CDCA2: variants seen among roughly 807,000 people sequenced by gnomAD.
The protein encoded by CDCA2 is cell division cycle-associated protein 2.
In CDCA2, 44 loss-of-function variants were observed where a neutral mutation model predicts 67.0. That is an observed-to-expected ratio of 0.66 (90% CI 0.52 to 0.84). The LOEUF is 0.84. Among genes scored for constraint, CDCA2 ranks in the 40% least tolerant of loss-of-function variants. The pLI is 0.00. For synonymous variants in CDCA2, 447 were observed against 418.7 expected, an observed-to-expected ratio of 1.07 and a Z score of -0.82; for missense variants, 1,253 against 1,203.2, an observed-to-expected ratio of 1.04 and a Z score of -0.61.
rs764574944 is a variant in CDCA2, at chr8:25,466,302, A to G, written c.515A>G (p.Lys172Arg). The G allele has an allele frequency of 3.1e-6, 5 of 1,606,594 alleles. No homozygotes were observed. The highest frequency in any genetic ancestry group is 8.5e-7 in the Non-Finnish European group (1 of 1,178,178). The part of the protein sequence containing the change: ...TGCLEFSEAG[K>R]ESEMTDLTRK... ...TGTCTGGAATTCTCAGAGGCAGGAA[A>G]AGAGTCCGAGATGACAGACTTGAGT... Residue 172 changes from lysine (K) to arginine (R), a missense_variant, in exon 5 of 15, where the codon AAA becomes AGA. Coordinates refer to ENST00000330560, the MANE Select transcript of CDCA2 (RefSeq NM_152562.4).
chr8:25,468,341 A>G lies in CDCA2; in HGVS notation c.663A>G (p.Val221=), dbSNP rs1563262133. 2 of 1,613,896 alleles carry G rather than the reference A, an allele frequency of 1.2e-6. No homozygotes were observed. Among genetic ancestry groups the G allele is most frequent in the Non-Finnish European group, 8.5e-7 (1 of 1,179,892 alleles). Residue 221 remains valine, a synonymous_variant, in exon 6 of 15, where the codon GTA becomes GTG. Coordinates refer to ENST00000330560, the MANE Select transcript of CDCA2 (RefSeq NM_152562.4). The stretch of plus-strand genomic sequence containing the variant: ...ATCTGACGGATGCTGAAGGAAAAGT[A>G]ATTGGTCTCCAGATATTCAATATTG... ...DENLTDAEGK[V]IGLQIFNIDT...
chr8:25,494,987 G>A (rs193062328), intron 13 of CDCA2, among the ~76,000 whole-genome samples: 19 of 152,308 alleles, frequency 1.2e-4, no homozygotes, highest in African/African-American at 3.8e-4. Flanking sequence ...ATCTTGCACT[G>A]CTAGCCTCCA....
At chr8:25,467,166 C>T (rs55866338) in intron 5 of CDCA2, among the ~76,000 whole-genome samples, 48,437 of 144,300 alleles carry the variant, frequency 0.34, 8,472 homozygotes, top group Middle Eastern at 0.45. Flanking sequence ...TTTTTTTTTT[C>T]CCCCCCAATC....
At position 25,466,173 on chromosome 8, in the gene CDCA2, A is replaced by C. The variant is rs377293458; in HGVS notation, c.388-2A>C. 1 of 1,590,082 alleles carries C rather than the reference A, an allele frequency of 6.3e-7. No individual in the cohort carries two copies. Among genetic ancestry groups the C allele is most frequent in the Non-Finnish European group, 8.5e-7 (1 of 1,173,852 alleles). Reference sequence around the variant, plus strand: ...CTCCTTGTATATTTTGCACTTTCACAGGGCAGCCCTGCACTGTATCGAAAT... The same window carrying C: ...CTCCTTGTATATTTTGCACTTTCACCGGGCAGCCCTGCACTGTATCGAAAT... On this transcript the variant is annotated splice_acceptor_variant, in intron 4 of 14. Coordinates refer to ENST00000330560, the MANE Select transcript of CDCA2 (RefSeq NM_152562.4). LOFTEE classifies it high-confidence loss of function.
chr8:25,460,278 G>A lies in CDCA2; in HGVS notation c.39G>A (p.Lys13=). 1 of 1,614,114 alleles carries A rather than the reference G, an allele frequency of 6.2e-7. No homozygotes were observed. The change falls in exon 2 of 15, where the codon AAG becomes AAA. Residue 13 remains lysine, a synonymous_variant. Coordinates refer to ENST00000330560, the MANE Select transcript of CDCA2 (RefSeq NM_152562.4). ...CAAAAGACAAGCCCCCTGAAACCAA[G>A]GAGTCTGCAATGAATAATGCTGGTA... is the stretch of plus-strand genomic sequence containing the variant. ...ANSKDKPPET[K]ESAMNNAGNA...
At chr8:25,468,023 C>T (rs1802984341) in intron 5 of CDCA2, among the ~76,000 whole-genome samples, 194 bp from the exon 6 acceptor site, 1 of 140,702 alleles carries the variant, frequency 7.1e-6, no homozygotes, top group African/African-American at 2.6e-5. Flanking sequence ...GAGGCTGAGG[C>T]AGGAGTATCA....
In CDCA2 at chr8:25,506,868, G is replaced by T. The variant is rs767202755; in HGVS notation, c.2202G>T (p.Gln734His). ...SDSPKPALTLQQGQEFSAGGQ... is the reference protein window; with the variant it reads ...SDSPKPALTLHQGQEFSAGGQ... Reference sequence around the variant, plus strand: ...GTCCCAAACCTGCTCTGACCCTGCAGCAGGGTCAAGAATTTTCTGCTGGTG... The same window carrying T: ...GTCCCAAACCTGCTCTGACCCTGCATCAGGGTCAAGAATTTTCTGCTGGTG... Residue 734 changes from glutamine to histidine, a missense_variant, in exon 15 of 15, where the codon CAG (glutamine) becomes CAT (histidine). Gln to His is a conservative substitution (Grantham distance 24). Coordinates refer to ENST00000330560, the MANE Select transcript of CDCA2 (RefSeq NM_152562.4). 1.2e-6 allele frequency: 2 copies of T among 1,612,812 alleles called. No individual in the cohort carries two copies. Among genetic ancestry groups the T allele is most frequent in the African/African-American group, 1.3e-5 (1 of 74,806 alleles).
chr8:25,462,424 C>T (rs1286441180), intron 4 of CDCA2, among the ~76,000 whole-genome samples: 4 of 152,066 alleles, frequency 2.6e-5, no homozygotes, highest in East Asian at 3.9e-4. Flanking sequence ...GTCAGGAGTT[C>T]GAGACCAGCC....
At chr8:25,468,745 G>T (rs1239096387) in intron 6 of CDCA2, among the ~76,000 whole-genome samples, 1 of 152,150 alleles carries the variant, frequency 6.6e-6, no homozygotes, top group African/African-American at 2.4e-5. Context: ...TTACAGTCTT[G>T]CCCTTAGGCA....
rs1451451886 is a variant in CDCA2 at position 25,506,558 on chromosome 8, A to G, written c.1892A>G (p.Asn631Ser). Residue 631 changes from asparagine to serine, a missense_variant, in exon 15 of 15, where the codon AAT becomes AGT. Physicochemically the swap from Asn to Ser is conservative, Grantham distance 46. Transcript: ENST00000330560. ...GKLEEVKTPK[N>S]PVKRKDLLRH... ...CTGGAAGAAGTGAAGACTCCTAAAA[A>G]TCCAGTGAAAAGAAAGGATCTTTTG... 1 of 1,596,534 alleles carries G rather than the reference A, an allele frequency of 6.3e-7. No homozygotes were observed. The highest frequency in any genetic ancestry group is 8.5e-7 in the Non-Finnish European group (1 of 1,175,518).
At chr8:25,489,729 G>T (rs756054117) in intron 13 of CDCA2, among the ~76,000 whole-genome samples, 4 of 152,160 alleles carry the variant, frequency 2.6e-5, no homozygotes, top group Non-Finnish European at 5.9e-5. Context: ...TCTAAGGTTT[G>T]TTTTCTGTCC....
intron 13 of CDCA2, among the ~76,000 whole-genome samples, chr8:25,494,595 G>C (rs1037711364): frequency 7.9e-5 from 12 of 152,126 alleles, no homozygotes; most frequent in African/African-American, 2.9e-4. Flanking sequence ...TTTCCCTACA[G>C]ATACTGAGGG....
At chr8:25,503,338 T>C in intron 13 of CDCA2, 35 bp from the exon 14 acceptor site, 1 of 1,517,400 alleles carries the variant, frequency 6.6e-7, no homozygotes, top group Admixed American at 1.7e-5. Context: ...GTGCTACATC[T>C]TTCTCAATTG....
intron 13 of CDCA2, among the ~76,000 whole-genome samples, chr8:25,491,040 T>C (rs903313921): frequency 2.6e-5 from 4 of 152,068 alleles, no homozygotes; most frequent in African/African-American, 7.3e-5. Flanking sequence ...AATACTCCAC[T>C]CCAATTTAAG....
intron 4 of CDCA2, among the ~76,000 whole-genome samples, chr8:25,463,526 T>C (rs1205404813): frequency 6.6e-6 from 1 of 152,186 alleles, no homozygotes; most frequent in Non-Finnish European, 1.5e-5. Context: ...TTGATAGTCA[T>C]AATGAATGAC....
intron 13 of CDCA2, among the ~76,000 whole-genome samples, chr8:25,499,733 T>A (rs779186182): frequency 2.6e-5 from 4 of 152,246 alleles, no homozygotes; most frequent in Non-Finnish European, 5.9e-5. Flanking sequence ...AGAAGAGGAA[T>A]CAGTGATTTT....
intron 5 of CDCA2, among the ~76,000 whole-genome samples, chr8:25,467,243 C>G (rs1034574534): frequency 6.6e-6 from 1 of 151,826 alleles, no homozygotes; most frequent in Non-Finnish European, 1.5e-5. Context: ...TAACCATTCT[C>G]TGGTACTTTA....
Position 25,483,260 on chromosome 8 carries a change from A to G in CDCA2, c.1033-139A>G, listed in dbSNP as rs146438884. On this transcript the variant is annotated intron_variant, in intron 8 of 14. Coordinates refer to ENST00000330560, the MANE Select transcript of CDCA2 (RefSeq NM_152562.4). The stretch of plus-strand genomic sequence containing the variant: ...TGATATCATGGTTTTGAGCCAGAAC[A>G]ATTATTGAAAATAAAGGTAATCTTT... The G allele has an allele frequency of 4.7e-3, 2,209 of 472,154 alleles. 12 individuals carry two copies. Among genetic ancestry groups the G allele is most frequent in the Non-Finnish European group, 6.3e-3 (1,722 of 274,842 alleles). The allele number at this position is 472,154 out of a possible 1,614,324, so 29.2% of individuals were successfully genotyped here. A position where few individuals can be genotyped will look rare whatever the true frequency, so the allele number is the denominator to read the frequency against.
At chr8:25,495,795 C>T (rs1804199495) in intron 13 of CDCA2, among the ~76,000 whole-genome samples, 1 of 152,108 alleles carries the variant, frequency 6.6e-6, no homozygotes, top group African/African-American at 2.4e-5. Flanking sequence ...TCAATAGAAG[C>T]ACTGAATTTA....
Sources: allele counts gnomAD v4.1 joint callset (sites outside exome capture counted in the v4.1 genomes callset), GRCh38; gene constraint gnomAD v4.1.1; transcripts MANE v1.5; gene names NCBI Gene and HGNC (gene_info 2026-07-23, HGNC 2026-07-21).